Variants in PLEKHG7 observed in about 807,000 individuals in gnomAD.
PLEKHG7 encodes the protein pleckstrin homology and RhoGEF domain containing G7, also known as pleckstrin homology domain-containing family G member 7.
PLEKHG7 carries 77 observed loss-of-function variants against 85.2 expected under a neutral mutation model. The ratio of observed to expected loss-of-function variants is 0.90; its 90% CI spans 0.75 to 1.09. PLEKHG7 has a LOEUF of 1.09. PLEKHG7 is among the 50% of genes least tolerant of loss of function. The probability of loss-of-function intolerance (pLI) is 0.00; values close to 1 mark genes in which losing one functional copy is unlikely to be tolerated. For missense variants in PLEKHG7, 777 were observed against 804.3 expected (o/e 0.97, Z 0.41); for synonymous variants, 301 against 302.4 (o/e 1.00, Z 0.05).
At chr12:92,707,311 G>A (rs2136568063) in intron 2 of PLEKHG7, 173 bp downstream of exon 2, 1 of 1,430,402 alleles carries the variant, frequency 7.0e-7, no homozygotes, top group South Asian at 1.6e-5. Flanking sequence ...AGTGAAAGGA[G>A]GGCAGCAATC....
intron 10 of PLEKHG7, among the ~76,000 whole-genome samples, chr12:92,747,887 C>G (rs1872580603): frequency 6.6e-6 from 1 of 151,968 alleles, no homozygotes; most frequent in African/African-American, 2.4e-5. Flanking sequence ...TTACCAGAGG[C>G]TGGGAAGAGG....
Position 92,735,909 on chromosome 12 carries a change from T to A in PLEKHG7, c.700-573T>A, listed in dbSNP as rs192017421. Among the ~76,000 whole-genome samples, 1,326 of 152,312 alleles carry A rather than the reference T, an allele frequency of 8.7e-3. 21 individuals carry two copies. The highest frequency in any genetic ancestry group is 0.027 in the African/African-American group (1,133 of 41,566). On this transcript the variant is annotated intron_variant, in intron 5 of 16. Transcript: ENST00000344636. ...ATATTATCTTAGAAATCAGATTTTT[T>A]AAACAAATATTATTAAGAAAAAATG...
intron 3 of PLEKHG7, among the ~76,000 whole-genome samples, chr12:92,719,256 T>C (rs1871571549): frequency 6.6e-6 from 1 of 152,244 alleles, no homozygotes; most frequent in Admixed American, 6.5e-5. Flanking sequence ...TAAAAAGAGA[T>C]TTTTAGAAAA....
intron 13 of PLEKHG7, among the ~76,000 whole-genome samples, chr12:92,757,323 G>A (rs191635377): frequency 1.3e-4 from 20 of 152,308 alleles, no homozygotes; most frequent in Non-Finnish European, 2.2e-4. Flanking sequence ...CTGAAATAAG[G>A]TTTTAAATCA....
chr12:92,729,510 A>G (rs1871921039), intron 4 of PLEKHG7, among the ~76,000 whole-genome samples: 1 of 151,224 alleles, frequency 6.6e-6, no homozygotes, highest in African/African-American at 2.4e-5. Context: ...CTTCAGCCTC[A>G]CACTGATATC....
intron 3 of PLEKHG7, among the ~76,000 whole-genome samples, chr12:92,710,121 C>T (rs1270757329): frequency 6.6e-6 from 1 of 152,158 alleles, no homozygotes; most frequent in African/African-American, 2.4e-5. Context: ...TAGTGGATCA[C>T]TAGGGGTGAT....
intron 7 of PLEKHG7, among the ~76,000 whole-genome samples, chr12:92,740,446 G>A (rs1872318769): frequency 6.6e-6 from 1 of 152,196 alleles, no homozygotes; most frequent in African/African-American, 2.4e-5. Context: ...TTCCCTGAAA[G>A]TAAAGTATAT....
At chr12:92,757,093 A>C (rs1592687207) in intron 13 of PLEKHG7, among the ~76,000 whole-genome samples, 1 of 152,232 alleles carries the variant, frequency 6.6e-6, no homozygotes, top group South Asian at 2.1e-4. Flanking sequence ...AGCAGAGTAC[A>C]TAGGAAGCCA....
chr12:92,769,953 GCAAATGTTT>G, intron 16 of PLEKHG7, 126 bp from the exon 17 acceptor site: 1 of 595,256 alleles, frequency 1.7e-6, no homozygotes, highest in Non-Finnish European at 2.9e-6. Flanking sequence ...GGAAACATAT[GCAAATGTTT>G]CATTAGTCTT....
chr12:92,731,828 G>A (rs1379932231), intron 4 of PLEKHG7, among the ~76,000 whole-genome samples: 1 of 152,130 alleles, frequency 6.6e-6, no homozygotes, highest in Non-Finnish European at 1.5e-5. Context: ...CATGTGATGG[G>A]GGCGTTCTGG....
chr12:92,737,739 G>GGGAGGGAGGAAGGAAGGAAGGGAGGGAA (rs1872206993), intron 7 of PLEKHG7, among the ~76,000 whole-genome samples: 4 of 126,456 alleles, frequency 3.2e-5, no homozygotes, highest in African/African-American at 1.2e-4. Flanking sequence ...GAGGGAGGAA[G>GGGAGGGAGGAAGGAAGGAAGGGAGGGAA]GGAGGGAGGG....
chr12:92,748,620 C>T (rs548735776), intron 10 of PLEKHG7, among the ~76,000 whole-genome samples: 1 of 152,110 alleles, frequency 6.6e-6, no homozygotes, highest in Non-Finnish European at 1.5e-5. Context: ...GGAACACAAA[C>T]CTGTAAAGTT....
chr12:92,703,410 G>A (rs893177438), intron 1 of PLEKHG7, among the ~76,000 whole-genome samples: 1 of 152,234 alleles, frequency 6.6e-6, no homozygotes, highest in Non-Finnish European at 1.5e-5. Flanking sequence ...ATAAAGAAGA[G>A]TTAGCATGAA....
chr12:92,726,603 C>T (rs375035267), intron 3 of PLEKHG7, among the ~76,000 whole-genome samples: 6 of 152,306 alleles, frequency 3.9e-5, no homozygotes, highest in East Asian at 3.9e-4. Context: ...GTCCCCAGCA[C>T]GACAGACCCC....
chr12:92,731,289 A>G (rs7972216), intron 4 of PLEKHG7, among the ~76,000 whole-genome samples: 76,062 of 152,056 alleles, frequency 0.5, 19,918 homozygotes, highest in East Asian at 0.89. Flanking sequence ...AATAAAGATC[A>G]ATAAGCTGGT....
At chr12:92,721,607 G>T in intron 3 of PLEKHG7, 2 of 1,078,372 alleles carry the variant, frequency 1.9e-6, no homozygotes, top group Non-Finnish European at 2.3e-6. Flanking sequence ...CTGCTCTAGA[G>T]AGCTGCAAAG....
At chr12:92,728,604 TA>T (rs1871893788) in intron 3 of PLEKHG7, among the ~76,000 whole-genome samples, 2 of 151,516 alleles carry the variant, frequency 1.3e-5, no homozygotes, top group African/African-American at 4.9e-5. Context: ...CCATGGTGTT[TA>T]TATGTGTGTG....
At chr12:92,745,126 A>G (rs754806969) in intron 9 of PLEKHG7, among the ~76,000 whole-genome samples, 2 of 152,212 alleles carry the variant, frequency 1.3e-5, no homozygotes, top group Non-Finnish European at 2.9e-5. Flanking sequence ...CAAAGGCAGT[A>G]TTTGTTACTG....
intron 10 of PLEKHG7, among the ~76,000 whole-genome samples, chr12:92,749,947 ATTT>A (rs1418210544): frequency 7.1e-4 from 70 of 97,930 alleles, no homozygotes; most frequent in African/African-American, 2.7e-3. Context: ...TTTATATTTT[ATTT>A]TATTTTATAT....
Sources: allele counts gnomAD v4.1 joint callset (sites outside exome capture counted in the v4.1 genomes callset), GRCh38; gene constraint gnomAD v4.1.1; transcripts MANE v1.5; gene names NCBI Gene and HGNC (gene_info 2026-07-23, HGNC 2026-07-21).